Variants in DENND5B observed in about 807,000 individuals in gnomAD.
The protein encoded by DENND5B is DENN domain-containing protein 5B.
A neutral mutation model predicts 140.6 loss-of-function variants in DENND5B; 34 were observed. The ratio of observed to expected loss-of-function variants is 0.24; its 90% CI spans 0.18 to 0.32. The LOEUF (loss-of-function observed/expected upper bound fraction) is 0.32, where lower values mean the gene tolerates loss of function less well. DENND5B is among the 10% of genes least tolerant of loss of function. The probability of loss-of-function intolerance (pLI) is 1.00; values close to 1 mark genes in which losing one functional copy is unlikely to be tolerated. For missense variants in DENND5B, 1,142 were observed against 1,560.2 expected (o/e 0.73, Z 4.52); for synonymous variants, 551 against 562.1 (o/e 0.98, Z 0.28).
At chr12:31,402,668 T>C (rs1311214134) in intron 14 of DENND5B, 25 bp from the exon 15 acceptor site, 7 of 1,581,006 alleles carry the variant, frequency 4.4e-6, no homozygotes, top group Non-Finnish European at 6.0e-6. Flanking sequence ...CAGAAATTAA[T>C]TAAAAAGCGG....
rs1473880292 is a variant in DENND5B at position 31,387,638 on chromosome 12, G to C, written c.3790C>G (p.Leu1264Val). Residue 1264 changes from leucine (L) to valine (V), a missense_variant, in exon 21 of 21, where the codon CTA becomes GTA. Coordinates refer to ENST00000389082, the MANE Select transcript of DENND5B (RefSeq NM_144973.4). The stretch of plus-strand genomic sequence containing the variant: ...ACTCCTTTGATGAGTGATCCTTCTA[G>C]GACTATGGTGAAGTCCTGAATGGTC... ...LQTIQDFTIV[L>V]EGSLIKGVDV 6.2e-7 allele frequency: 1 copy of C among 1,614,020 alleles called. No individual in the cohort carries two copies. Among genetic ancestry groups the C allele is most frequent in the East Asian group, 2.2e-5 (1 of 44,888 alleles).
At chr12:31,390,443 A>G (rs112486120) in intron 19 of DENND5B, among the ~76,000 whole-genome samples, 3,380 of 151,422 alleles carry the variant, frequency 0.022, 132 homozygotes, top group African/African-American at 0.076. Context: ...GTTCGAGACC[A>G]GCCTAGCCAG....
At chr12:31,553,572 A>G (rs1592037573) in intron 1 of DENND5B, among the ~76,000 whole-genome samples, 1 of 152,174 alleles carries the variant, frequency 6.6e-6, no homozygotes, top group Non-Finnish European at 1.5e-5. Flanking sequence ...GTAGATGTCT[A>G]TTAGGTCCAC....
At chr12:31,576,397 A>C (rs1212579949) in intron 1 of DENND5B, among the ~76,000 whole-genome samples, 2 of 152,000 alleles carry the variant, frequency 1.3e-5, no homozygotes, top group Non-Finnish European at 2.9e-5. Context: ...AGTGTGTTGC[A>C]GTGAGCCGTG....
intron 1 of DENND5B, among the ~76,000 whole-genome samples, chr12:31,584,313 G>A (rs763437588): frequency 2.6e-5 from 4 of 152,104 alleles, no homozygotes; most frequent in African/African-American, 7.2e-5. Flanking sequence ...TGTCTATGCT[G>A]GTGTGTCCTG....
Position 31,402,555 on chromosome 12 carries a change from C to T in DENND5B, c.2892G>A (p.Glu964=), listed in dbSNP as rs763337079. Reference sequence around the variant, plus strand: ...TCTGCATTACTCCTGTGTCTCCCAGCTCTCCTGATACACAGATCCAAGGGT... The same window carrying T: ...TCTGCATTACTCCTGTGTCTCCCAGTTCTCCTGATACACAGATCCAAGGGT... The part of the protein sequence containing the change: ...TSNPWICVSG[E]LGDTGVMQIP... Residue 964 remains glutamate, a synonymous_variant, in exon 15 of 21, where the codon GAG becomes GAA. Coordinates refer to ENST00000389082, the MANE Select transcript of DENND5B (RefSeq NM_144973.4). The T allele has an allele frequency of 2.5e-6, 4 of 1,613,874 alleles. No individual in the cohort carries two copies. In the South Asian group the frequency reaches 4.4e-5, roughly 18 times the overall value.
intron 1 of DENND5B, among the ~76,000 whole-genome samples, chr12:31,585,416 T>C (rs1229323096): frequency 6.6e-6 from 1 of 152,206 alleles, no homozygotes; most frequent in African/African-American, 2.4e-5. Flanking sequence ...ATTAAGCCTA[T>C]ACACCCGGCC....
chr12:31,453,212 C>G (rs1944619198), intron 4 of DENND5B, among the ~76,000 whole-genome samples: 1 of 152,110 alleles, frequency 6.6e-6, no homozygotes. Context: ...GTGGTAGAGG[C>G]AAGTGCATAT....
In DENND5B at chr12:31,429,065, G is replaced by T. The variant is rs141705861; in HGVS notation, c.2107-2641C>A. Among the ~76,000 whole-genome samples, 1,443 of 151,598 alleles carry T rather than the reference G, an allele frequency of 9.5e-3. 25 individuals are homozygous for T. The highest frequency in any genetic ancestry group is 0.033 in the African/African-American group (1,366 of 41,306). ...TAATTTTTATATTTTTAAGAGACGG[G>T]GTTTCATCATGTTGGTCAGGCTGGT... On this transcript the variant is annotated intron_variant, in intron 8 of 20. Transcript: ENST00000389082.
intron 2 of DENND5B, among the ~76,000 whole-genome samples, chr12:31,487,456 G>C (rs933455632): frequency 3.3e-5 from 5 of 152,122 alleles, no homozygotes; most frequent in Non-Finnish European, 7.4e-5. Flanking sequence ...CCAGTACTTC[G>C]GGAGGCTGAG....
intron 3 of DENND5B, among the ~76,000 whole-genome samples, chr12:31,478,904 C>G (rs1945942370): frequency 6.6e-6 from 1 of 152,046 alleles, no homozygotes; most frequent in Non-Finnish European, 1.5e-5. Flanking sequence ...AAAATAAAAT[C>G]CATAGTTTGT....
At chr12:31,522,543 A>G (rs1947934890) in intron 1 of DENND5B, among the ~76,000 whole-genome samples, 1 of 152,184 alleles carries the variant, frequency 6.6e-6, no homozygotes. Context: ...TCCTGGGCTC[A>G]AGCCATCCTC....
chr12:31,452,502 G>A (rs957466291), intron 4 of DENND5B, 26 bp from the exon 5 acceptor site: 5 of 1,560,104 alleles, frequency 3.2e-6, no homozygotes, highest in South Asian at 1.3e-5. Context: ...GAAATACAAA[G>A]GTTTAAAATA....
chr12:31,558,430 A>G (rs74878334), intron 1 of DENND5B, among the ~76,000 whole-genome samples: 15,528 of 152,154 alleles, frequency 0.1, 1,022 homozygotes, highest in East Asian at 0.25. Flanking sequence ...TCTTTGATCT[A>G]CAGAAACATG....
In DENND5B at chr12:31,517,763, G is replaced by A. The variant is rs112003686; in HGVS notation, c.128-21844C>T. 1.3e-3 allele frequency among the ~76,000 whole-genome samples: 192 copies of A among 152,312 alleles called. 2 individuals carry two copies. The highest frequency in any genetic ancestry group is 4.1e-3 in the African/African-American group (169 of 41,586). ...GAGAAAGTGACAGAGATCAAGTTCA[G>A]AAGTCCTTGAATCCAGAGTTGATGA... On this transcript the variant is annotated intron_variant, in intron 1 of 20. Coordinates refer to ENST00000389082, the MANE Select transcript of DENND5B (RefSeq NM_144973.4).
intron 1 of DENND5B, among the ~76,000 whole-genome samples, chr12:31,501,650 G>C (rs906929639): frequency 6.6e-6 from 1 of 151,930 alleles, no homozygotes; most frequent in Non-Finnish European, 1.5e-5. Context: ...GTGCATGCCT[G>C]TAGTCCCAGC....
At chr12:31,590,473 A>G (rs1683285342) in intron 1 of DENND5B, 4 of 418,638 alleles carry the variant, frequency 9.6e-6, no homozygotes, top group Admixed American at 5.0e-5. Flanking sequence ...GCCTGTTATT[A>G]ATAACCCAGC....
intron 1 of DENND5B, among the ~76,000 whole-genome samples, chr12:31,516,773 T>C (rs1461861744): frequency 6.6e-6 from 1 of 152,150 alleles, no homozygotes; most frequent in Non-Finnish European, 1.5e-5. Context: ...TTCCTGTCTG[T>C]AATTTTAAAA....
chr12:31,405,843 G>C (rs546584911), intron 14 of DENND5B, among the ~76,000 whole-genome samples: 1 of 150,340 alleles, frequency 6.7e-6, no homozygotes, highest in South Asian at 2.1e-4. Context: ...ATCGCACCTG[G>C]CCACTATTTA....
Sources: allele counts gnomAD v4.1 joint callset (sites outside exome capture counted in the v4.1 genomes callset), GRCh38; gene constraint gnomAD v4.1.1; transcripts MANE v1.5; gene names NCBI Gene and HGNC (gene_info 2026-07-23, HGNC 2026-07-21).